PDE4D: variants seen among roughly 807,000 people sequenced by gnomAD.
PDE4D encodes the protein phosphodiesterase 4D.
In PDE4D, 24 loss-of-function variants were observed where a neutral mutation model predicts 87.4. The ratio of observed to expected loss-of-function variants is 0.27; its 90% CI spans 0.20 to 0.39. PDE4D has a LOEUF of 0.39. Ranked by LOEUF, PDE4D falls within the 10% of genes least tolerant of loss-of-function variation. The pLI is 1.00. For synonymous variants in PDE4D, 384 were observed against 383.2 expected, an observed-to-expected ratio of 1.00 and a Z score of -0.02; for missense variants, 714 against 1,041.0, an observed-to-expected ratio of 0.69 and a Z score of 4.32.
intron 1 of PDE4D, among the ~76,000 whole-genome samples, chr5:60,298,801 A>C (rs1365164280): frequency 6.6e-6 from 1 of 152,212 alleles, no homozygotes; most frequent in Non-Finnish European, 1.5e-5. Context: ...TCAGTGGCAT[A>C]AAAGAAATTC....
Position 60,319,041 on chromosome 5 carries a change from A to G in PDE4D, c.-89-133354T>C, listed in dbSNP as rs146524082. On this transcript the variant is annotated intron_variant, in intron 1 of 16. Coordinates refer to the PDE4D transcript ENST00000502484. ...ATTTGAATGTTGGCCTGCCTTGCTA[A>G]ATTGGGGAAGTTCTCCTGGATAATA... Among the ~76,000 whole-genome samples, 1,834 of 152,276 alleles carry G rather than the reference A, an allele frequency of 0.012. 58 individuals carry two copies. In the East Asian group the frequency reaches 0.13, roughly 11 times the overall value.
At chr5:60,045,289 A>C (rs1388172958) in intron 2 of PDE4D, among the ~76,000 whole-genome samples, 3 of 151,874 alleles carry the variant, frequency 2.0e-5, no homozygotes, top group South Asian at 2.1e-4. Flanking sequence ...TAGGTTGTGA[A>C]AATTTTCTCC....
At chr5:59,431,872 T>C (rs370084896) in intron 1 of PDE4D, among the ~76,000 whole-genome samples, 4 of 152,136 alleles carry the variant, frequency 2.6e-5, no homozygotes, top group African/African-American at 9.6e-5. Context: ...AGTGAGATCA[T>C]GTGGCATTTG....
intron 2 of PDE4D, among the ~76,000 whole-genome samples, chr5:59,994,885 C>T (rs1464304284): frequency 1.3e-5 from 2 of 152,148 alleles, no homozygotes; most frequent in African/African-American, 4.8e-5. Context: ...CCCAATTAAT[C>T]ATTTATTGAG....
At chr5:59,843,369 T>C (rs910253583) in intron 1 of PDE4D, among the ~76,000 whole-genome samples, 2 of 152,024 alleles carry the variant, frequency 1.3e-5, no homozygotes, top group Non-Finnish European at 2.9e-5. Flanking sequence ...TTTTGTTATA[T>C]TTCAACTCAA....
chr5:59,023,490 A>G (rs942819365), intron 6 of PDE4D, among the ~76,000 whole-genome samples: 1 of 150,898 alleles, frequency 6.6e-6, no homozygotes, highest in Non-Finnish European at 1.5e-5. Context: ...AAAAAGTTAA[A>G]TTAAATTAAA....
chr5:59,827,105 A>C (rs1303323272), intron 1 of PDE4D, among the ~76,000 whole-genome samples: 1 of 152,056 alleles, frequency 6.6e-6, no homozygotes, highest in Non-Finnish European at 1.5e-5. Flanking sequence ...TCAGATAAAA[A>C]ATTTTGATTG....
intron 1 of PDE4D, among the ~76,000 whole-genome samples, chr5:59,846,467 T>C (rs1315750304): frequency 6.6e-6 from 1 of 152,036 alleles, no homozygotes; most frequent in Non-Finnish European, 1.5e-5. Context: ...TCTGACTCCT[T>C]AGGTTTGAGG....
intron 3 of PDE4D, among the ~76,000 whole-genome samples, chr5:59,936,819 C>G (rs1409018608): frequency 6.6e-6 from 1 of 152,112 alleles, no homozygotes; most frequent in East Asian, 1.9e-4. Context: ...TAAATAAAAG[C>G]AAAATGCACA....
rs114218547 is a variant in PDE4D at position 59,510,150 on chromosome 5, A to G, written c.456-294182T>C. Among the ~76,000 whole-genome samples, 386 of 150,734 alleles carry G rather than the reference A, an allele frequency of 2.6e-3. 9 individuals carry two copies. The highest frequency in any genetic ancestry group is 8.9e-3 in the African/African-American group (367 of 41,418). On this transcript the variant is annotated intron_variant, in intron 1 of 14. Transcript: ENST00000340635. The stretch of plus-strand genomic sequence containing the variant: ...AAAAAGTACTTCTAAATAACACTTG[A>G]GTGAGAGAAGAAATCAAAGGGATTT...
At chr5:59,353,328 A>T (rs577027223) in intron 1 of PDE4D, among the ~76,000 whole-genome samples, 124 of 150,708 alleles carry the variant, frequency 8.2e-4, no homozygotes, top group Non-Finnish European at 1.5e-3. Flanking sequence ...TTGCTCCTTG[A>T]TTCTTTCTTT....
At chr5:60,055,691 T>C (rs371231013) in intron 2 of PDE4D, among the ~76,000 whole-genome samples, 35 of 152,142 alleles carry the variant, frequency 2.3e-4, no homozygotes, top group African/African-American at 8.4e-4. Context: ...ACATAAAAAA[T>C]TGAAAAGTGA....
chr5:59,131,657 A>G (rs56273963), intron 5 of PDE4D, among the ~76,000 whole-genome samples: 25,013 of 146,924 alleles, frequency 0.17, 2,230 homozygotes, highest in African/African-American at 0.2. Context: ...TTAATGAGAG[A>G]TTTCTAAGCC....
intron 1 of PDE4D, among the ~76,000 whole-genome samples, chr5:60,256,304 T>A (rs1333161176): frequency 6.6e-6 from 1 of 151,946 alleles, no homozygotes; most frequent in Non-Finnish European, 1.5e-5. Flanking sequence ...GTTTAATTAT[T>A]TTTAAGCATG....
intron 2 of PDE4D, among the ~76,000 whole-genome samples, chr5:60,117,744 T>C (rs1424302502): frequency 6.6e-6 from 1 of 151,924 alleles, no homozygotes; most frequent in Non-Finnish European, 1.5e-5. Flanking sequence ...GACCTCTGGC[T>C]CATAAAAATA....
intron 3 of PDE4D, among the ~76,000 whole-genome samples, chr5:59,979,903 A>G (rs1761739390): frequency 6.6e-6 from 1 of 152,090 alleles, no homozygotes; most frequent in Non-Finnish European, 1.5e-5. Context: ...CTATATACAG[A>G]TTTTTTAAAA....
chr5:59,963,689 T>C (rs2152812156), intron 3 of PDE4D, among the ~76,000 whole-genome samples: 1 of 152,312 alleles, frequency 6.6e-6, no homozygotes, highest in South Asian at 2.1e-4. Context: ...TAAAGTCTAT[T>C]CCATAGTTAT....
At chr5:59,460,797 C>T (rs1800658014) in intron 1 of PDE4D, among the ~76,000 whole-genome samples, 4 of 152,128 alleles carry the variant, frequency 2.6e-5, no homozygotes, top group Admixed American at 2.6e-4. Context: ...TTTATCTGTA[C>T]CCCAACTGGG....
At chr5:59,690,103 A>G (rs1750648407) in intron 1 of PDE4D, among the ~76,000 whole-genome samples, 1 of 152,086 alleles carries the variant, frequency 6.6e-6, no homozygotes, top group Non-Finnish European at 1.5e-5. Flanking sequence ...CCATGCTCAT[A>G]GATAGGAAGA....
Sources: gnomAD v4.1 joint callset for allele counts (sites outside exome capture counted in the v4.1 genomes callset) on GRCh38, gnomAD v4.1.1 for gene constraint, MANE v1.5 for transcripts, NCBI Gene and HGNC (gene_info 2026-07-23, HGNC 2026-07-21) for gene names.